The following SLC36A2 variants were observed in gnomAD, a reference collection of about 807,000 sequenced individuals.
SLC36A2 encodes solute carrier family 36 member 2.
SLC36A2 carries 39 observed loss-of-function variants against 42.7 expected under a neutral mutation model. That is an observed-to-expected ratio of 0.91 (90% confidence interval 0.71 to 1.19). The LOEUF is 1.19. SLC36A2 is among the 50% of genes most tolerant of loss of function. The pLI, the probability that SLC36A2 is intolerant of heterozygous loss-of-function variation, is 0.00. For synonymous variants in SLC36A2, 237 were observed against 240.8 expected (o/e 0.98, Z 0.15); for missense variants, 590 against 613.7 (o/e 0.96, Z 0.41).
intron 2 of SLC36A2, 91 bp from the exon 3 acceptor site, chr5:151,343,689 A>C: frequency 6.8e-6 from 8 of 1,180,794 alleles, no homozygotes; most frequent in Non-Finnish European, 1.0e-5. Context: ...TGCTGATATC[A>C]TGCAGAACTC....
chr5:151,333,882 A>G (rs1742414460), intron 6 of SLC36A2, among the ~76,000 whole-genome samples: 2 of 152,272 alleles, frequency 1.3e-5, no homozygotes, highest in African/African-American at 4.8e-5. Flanking sequence ...CTTACACACC[A>G]CAGATTAGCA....
intron 5 of SLC36A2, 74 bp from the exon 6 acceptor site, chr5:151,335,621 C>A (rs1305112862): frequency 7.3e-6 from 8 of 1,093,258 alleles, no homozygotes; most frequent in Non-Finnish European, 9.9e-6. Context: ...CAGTGCCTTG[C>A]CCCTAATCAA....
intron 5 of SLC36A2, 39 bp from the exon 6 acceptor site, chr5:151,335,586 G>C: frequency 7.0e-7 from 1 of 1,429,694 alleles, no homozygotes; most frequent in Non-Finnish European, 9.9e-7. Flanking sequence ...GGGAGATGAT[G>C]AGTCTTCTAA....
intron 7 of SLC36A2, among the ~76,000 whole-genome samples, chr5:151,332,696 G>T (rs1245814797): frequency 6.6e-6 from 1 of 152,184 alleles, no homozygotes; most frequent in Non-Finnish European, 1.5e-5. Flanking sequence ...AAGGAGAATT[G>T]TTCTGCATTC....
At position 151,316,740 on chromosome 5, in the gene SLC36A2, C is replaced by CAA. The variant is rs33912867; in HGVS notation, c.*75_*76dup. On this transcript the variant is annotated 3_prime_UTR_variant, in exon 10 of 10. Transcript: ENST00000335244. ...GGGCAACAAGACAGAAACTCCGTCT[C>CAA]AAAAAAAAAAAAAAAAAAAAAAAGA... is the stretch of plus-strand genomic sequence containing the variant. The CAA allele has an allele frequency of 0.12, 98,890 of 853,312 alleles. 1,379 individuals are homozygous for CAA. Among genetic ancestry groups the CAA allele is most frequent in the African/African-American group, 0.24 (6,976 of 28,502 alleles). 52.9% of individuals were successfully genotyped at this position (853,312 alleles called of 1,614,324 possible).
At position 151,322,216 on chromosome 5, in the gene SLC36A2, C is replaced by T; in HGVS notation, c.1011-1G>A. The T allele has an allele frequency of 1.2e-6, 2 of 1,613,980 alleles. No homozygotes were observed. The highest frequency in any genetic ancestry group is 1.7e-6 in the Non-Finnish European group (2 of 1,179,922). On this transcript the variant is annotated splice_acceptor_variant, in intron 8 of 9. Transcript: ENST00000335244. LOFTEE classifies it high-confidence loss of function. The stretch of plus-strand genomic sequence containing the variant: ...GAGAAGCTTGACAGACTGGTACAGC[C>T]TGCAAGACAAACCACAGAGCTGCTC...
chr5:151,332,366 G>A (rs1756023031), intron 7 of SLC36A2: 10 of 454,512 alleles, frequency 2.2e-5, no homozygotes, highest in South Asian at 1.6e-4. Flanking sequence ...AAGAAGATGT[G>A]CAAATTGCCA....
chr5:151,337,945 G>A (rs1382575179), intron 5 of SLC36A2, among the ~76,000 whole-genome samples: 1 of 152,170 alleles, frequency 6.6e-6, no homozygotes, highest in Non-Finnish European at 1.5e-5. Flanking sequence ...TACAGCATAG[G>A]TTTAAGAACT....
intron 7 of SLC36A2, among the ~76,000 whole-genome samples, chr5:151,327,082 T>C (rs1203238446): frequency 1.3e-5 from 2 of 152,208 alleles, no homozygotes; most frequent in Admixed American, 1.3e-4. Flanking sequence ...CCCAAAGTGC[T>C]GGGATTACAG....
chr5:151,317,025 C>A lies in SLC36A2; in HGVS notation c.1244G>T (p.Gly415Val). 6.2e-7 allele frequency: 1 copy of A among 1,614,050 alleles called. No individual in the cohort carries two copies. Among genetic ancestry groups the A allele is most frequent in the African/African-American group, 1.3e-5 (1 of 75,028 alleles). Residue 415 changes from glycine (G) to valine (V), a missense_variant, in exon 10 of 10, where the codon GGC (glycine) becomes GTC (valine). Transcript: ENST00000335244. ...TGGGATGATGAGGGCCAGGGCGGTG[C>A]CACTCACGGAGCCCACCAGGGAGAT... ...LVISLVGSVSGTALALIIPPL... is the reference protein window; with the variant it reads ...LVISLVGSVSVTALALIIPPL...
In SLC36A2 at chr5:151,347,359, G is replaced by C. The variant is rs191653286; in HGVS notation, c.102C>G (p.Asp34Glu). The C allele has an allele frequency of 1.9e-6, 3 of 1,614,246 alleles. No individual in the cohort carries two copies. The highest frequency in any genetic ancestry group is 4.5e-5 in the East Asian group (2 of 44,890). ...PESAKKLENK[D>E]STFLDESPSE... ...AAGGACTTTCATCCAAGAATGTAGA[G>C]TCCTTGTTCTCCAACTTCTTGGCAC... The change falls in exon 1 of 10, where the codon GAC (aspartate) becomes GAG (glutamate). Residue 34 changes from aspartate to glutamate, a missense_variant. Transcript: ENST00000335244.
At chr5:151,340,581 G>A (rs1413494141) in intron 4 of SLC36A2, among the ~76,000 whole-genome samples, 1 of 152,168 alleles carries the variant, frequency 6.6e-6, no homozygotes, top group East Asian at 1.9e-4. Flanking sequence ...GCAAAGGAGT[G>A]GCTAGAAAGG....
chr5:151,344,819 G>C (rs1334080893), intron 1 of SLC36A2, among the ~76,000 whole-genome samples: 1 of 152,164 alleles, frequency 6.6e-6, no homozygotes, highest in East Asian at 1.9e-4. Context: ...CATAAAACTA[G>C]TAGTAGAGAC....
chr5:151,347,106 T>C (rs1279233267), intron 1 of SLC36A2, among the ~76,000 whole-genome samples, 191 bp downstream of exon 1: 2 of 152,200 alleles, frequency 1.3e-5, no homozygotes, highest in African/African-American at 4.8e-5. Flanking sequence ...TGGATCACTA[T>C]GTCCCTAAGG....
In SLC36A2 at chr5:151,329,587, C is replaced by T. The variant is rs1312406214; in HGVS notation, c.843+3637G>A. On this transcript the variant is annotated intron_variant, in intron 7 of 9. Coordinates refer to ENST00000335244, the MANE Select transcript of SLC36A2 (RefSeq NM_181776.3). ...TAAAATAAATGGACAGATACAAGTT[C>T]TTAGCAAAGTAGACACAATGTAAAA... Among the ~76,000 whole-genome samples the T allele has an allele frequency of 3.9e-5, 6 of 152,076 alleles. No homozygotes were observed. In the South Asian group the frequency reaches 8.3e-4, roughly 21 times the overall value.
chr5:151,329,761 A>G (rs766097267), intron 7 of SLC36A2, among the ~76,000 whole-genome samples: 4 of 152,258 alleles, frequency 2.6e-5, no homozygotes, highest in Non-Finnish European at 4.4e-5. Flanking sequence ...CAAAGAGCAA[A>G]GAGATTTTTT....
chr5:151,341,369 G>A (rs975371223), intron 4 of SLC36A2, among the ~76,000 whole-genome samples: 8 of 152,158 alleles, frequency 5.3e-5, no homozygotes, highest in Non-Finnish European at 8.8e-5. Flanking sequence ...GGCTTTGAGC[G>A]AAGGGTGGTT....
chr5:151,317,040 A>G lies in SLC36A2; in HGVS notation c.1229T>C (p.Val410Ala), dbSNP rs200334307. The G allele has an allele frequency of 1.1e-4, 171 of 1,613,996 alleles. No homozygotes were observed. The highest frequency in any genetic ancestry group is 1.3e-4 in the Non-Finnish European group (159 of 1,180,020). ...IPRLDLVISL[V>A]GSVSGTALAL... is the part of the protein sequence containing the mutation. ...CAGGGCGGTGCCACTCACGGAGCCC[A>G]CCAGGGAGATGACCAGGTCCAGGCG... The change falls in exon 10 of 10, where the codon GTG (valine) becomes GCG (alanine). Residue 410 changes from valine to alanine, a missense_variant. Coordinates refer to ENST00000335244, the MANE Select transcript of SLC36A2 (RefSeq NM_181776.3).
At chr5:151,344,415 T>C (rs1308369036) in intron 1 of SLC36A2, 148 bp from the exon 2 acceptor site, 5 of 737,474 alleles carry the variant, frequency 6.8e-6, no homozygotes, top group Admixed American at 6.1e-5. Flanking sequence ...CTGGGTCTCC[T>C]GTAGGGTTAC....
Sources: gnomAD v4.1 joint callset for allele counts (sites outside exome capture counted in the v4.1 genomes callset) on GRCh38, gnomAD v4.1.1 for gene constraint, MANE v1.5 for transcripts, NCBI Gene and HGNC (gene_info 2026-07-23, HGNC 2026-07-21) for gene names.